DNAH6: variants seen among roughly 807,000 people sequenced by gnomAD.
The protein encoded by DNAH6 is axonemal beta dynein heavy chain 6.
Under a neutral mutation model 491.4 loss-of-function variants are expected in DNAH6, and 340 were observed. The ratio of observed to expected loss-of-function variants is 0.69; its 90% CI spans 0.63 to 0.76. The LOEUF (loss-of-function observed/expected upper bound fraction) is 0.76. Ranked by LOEUF, DNAH6 falls within the 30% of genes least tolerant of loss-of-function variation. The pLI is 0.00. For synonymous variants in DNAH6, 1,603 were observed against 1,686.1 expected (o/e 0.95, Z 1.21); for missense variants, 4,443 against 4,972.2 (o/e 0.89, Z 3.20).
chr2:84,742,841 T>C (rs970189237), intron 62 of DNAH6, among the ~76,000 whole-genome samples: 9 of 152,326 alleles, frequency 5.9e-5, no homozygotes, highest in African/African-American at 2.2e-4. Context: ...TTTATTTAAC[T>C]AAGTAAACCC....
chr2:84,628,226 G>A (rs1042577231), intron 29 of DNAH6, among the ~76,000 whole-genome samples: 4 of 152,164 alleles, frequency 2.6e-5, no homozygotes, highest in Admixed American at 1.3e-4. Flanking sequence ...AGAGAAAGAG[G>A]AATGGTATCC....
intron 2 of DNAH6, among the ~76,000 whole-genome samples, chr2:84,518,818 C>G (rs1675855916): frequency 6.6e-6 from 1 of 152,170 alleles, no homozygotes; most frequent in African/African-American, 2.4e-5. Flanking sequence ...ACAAAGCAGA[C>G]AAGATTCCTG....
At position 84,762,956 on chromosome 2, in the gene DNAH6, G is replaced by A. The variant is rs2105136691; in HGVS notation, c.10703+11G>A. 1 of 1,547,782 alleles carries A rather than the reference G, an allele frequency of 6.5e-7. No homozygotes were observed. Among genetic ancestry groups the A allele is most frequent in the Non-Finnish European group, 8.7e-7 (1 of 1,143,950 alleles). ...TGGATATTCAGAACGGTAAGTTCATGTTGTGCAGTTTTAATAATGCAAATG... is the reference window on the plus strand; with the variant it reads ...TGGATATTCAGAACGGTAAGTTCATATTGTGCAGTTTTAATAATGCAAATG... On this transcript the variant is annotated intron_variant, in intron 64 of 76. Transcript: ENST00000389394.
intron 42 of DNAH6, among the ~76,000 whole-genome samples, chr2:84,684,007 A>G (rs1278673298): frequency 6.6e-6 from 1 of 152,186 alleles, no homozygotes; most frequent in Non-Finnish European, 1.5e-5. Context: ...GTTCTCACAC[A>G]GGTTCCTGAT....
chr2:84,522,131 G>A (rs956671244), intron 2 of DNAH6, among the ~76,000 whole-genome samples: 2 of 152,004 alleles, frequency 1.3e-5, no homozygotes, highest in African/African-American at 4.8e-5. Flanking sequence ...TCATTTGTTT[G>A]TGTCATCTCT....
the DNAH6 span, among the ~76,000 whole-genome samples, chr2:84,496,131 C>T: frequency 6.6e-6 from 1 of 152,208 alleles, no homozygotes; most frequent in African/African-American, 2.4e-5. Flanking sequence ...TGCCACCTTT[C>T]TTCCATCTAC....
the DNAH6 span, among the ~76,000 whole-genome samples, chr2:84,499,145 T>C: frequency 6.6e-6 from 1 of 152,202 alleles, no homozygotes; most frequent in African/African-American, 2.4e-5. Context: ...ATTCATTCTT[T>C]CTATTTTTTG....
chr2:84,519,712 T>A (rs1675960590), intron 2 of DNAH6, among the ~76,000 whole-genome samples: 1 of 151,310 alleles, frequency 6.6e-6, no homozygotes, highest in Non-Finnish European at 1.5e-5. Context: ...CTTTCTTTTC[T>A]ACTCTTCTTC....
chr2:84,510,978 G>A, the DNAH6 span, among the ~76,000 whole-genome samples: 56 of 152,290 alleles, frequency 3.7e-4, no homozygotes, highest in Admixed American at 5.9e-4. Context: ...GTGTCAGTCC[G>A]CCCCTACTTG....
chr2:84,662,065 G>A (rs116792113), intron 37 of DNAH6, among the ~76,000 whole-genome samples: 1 of 152,008 alleles, frequency 6.6e-6, no homozygotes, highest in East Asian at 1.9e-4. Context: ...CTCTAAAATG[G>A]ACTCTTAAAA....
chr2:84,642,835 A>G (rs1689551298), intron 33 of DNAH6, among the ~76,000 whole-genome samples: 1 of 152,208 alleles, frequency 6.6e-6, no homozygotes, highest in South Asian at 2.1e-4. Flanking sequence ...GCACATATAT[A>G]ATATATACAC....
chr2:84,620,261 A>G (rs1687265056), intron 24 of DNAH6, among the ~76,000 whole-genome samples: 1 of 152,182 alleles, frequency 6.6e-6, no homozygotes, highest in Admixed American at 6.6e-5. Flanking sequence ...TCTCAGCCAA[A>G]AGATGGGGAT....
chr2:84,624,655 A>G lies in DNAH6; in HGVS notation c.4353+35A>G, dbSNP rs1323630339. The G allele has an allele frequency of 4.6e-6, 7 of 1,532,654 alleles. No individual in the cohort carries two copies. In the African/African-American group the frequency reaches 8.3e-5, roughly 18 times the overall value. 94.9% of individuals were successfully genotyped at this position (1,532,654 alleles called of 1,614,324 possible). Reference sequence around the variant, plus strand: ...TGATCACTTGGGTTAATATTGACACAAGAGTGCTTTTCAATCAAAAGTCTT... The same window carrying G: ...TGATCACTTGGGTTAATATTGACACGAGAGTGCTTTTCAATCAAAAGTCTT... On this transcript the variant is annotated intron_variant, in intron 28 of 76. Transcript: ENST00000389394.
At chr2:84,539,820 T>C (rs946276126) in intron 4 of DNAH6, among the ~76,000 whole-genome samples, 18 of 152,158 alleles carry the variant, frequency 1.2e-4, no homozygotes, top group African/African-American at 4.3e-4. Context: ...AAAAAAGAGT[T>C]CTTTACCAGA....
intron 29 of DNAH6, among the ~76,000 whole-genome samples, chr2:84,628,176 A>G (rs1253211232): frequency 6.6e-6 from 1 of 152,226 alleles, no homozygotes; most frequent in Non-Finnish European, 1.5e-5. Context: ...TCATACAGGC[A>G]TGGATGGCTG....
At chr2:84,532,899 C>T (rs1677312272) in intron 4 of DNAH6, among the ~76,000 whole-genome samples, 2 of 152,130 alleles carry the variant, frequency 1.3e-5, no homozygotes, top group Non-Finnish European at 2.9e-5. Context: ...TATTAACTAA[C>T]TCTATGCACA....
chr2:84,814,179 T>C (rs1680273012), intron 75 of DNAH6, 57 bp downstream of exon 75: 1 of 1,517,618 alleles, frequency 6.6e-7, no homozygotes, highest in African/African-American at 1.4e-5. Context: ...TCTTTGAAGA[T>C]TTCAGACAAC....
rs377609051 is a variant in DNAH6, at chr2:84,705,737, G to C, written c.8717G>C (p.Arg2906Pro). ...KVVEPKRQKL[R>P]AAQAELDITM... is the part of the protein sequence containing the mutation. ...GTCGAACCAAAAAGACAAAAGCTCCGCGCCGCACAGGTACATTTTCTGTAT... is the reference window on the plus strand; with the variant it reads ...GTCGAACCAAAAAGACAAAAGCTCCCCGCCGCACAGGTACATTTTCTGTAT... Residue 2906 changes from arginine to proline, a missense_variant, in exon 52 of 77, where the codon CGC becomes CCC. Transcript: ENST00000389394. 3 of 1,546,386 alleles carry C rather than the reference G, an allele frequency of 1.9e-6. No homozygotes were observed. In the Admixed American group the frequency reaches 6.1e-5, roughly 31 times the overall value.
intron 59 of DNAH6, among the ~76,000 whole-genome samples, chr2:84,720,032 G>A (rs954894315): frequency 2.0e-5 from 3 of 151,966 alleles, no homozygotes; most frequent in Non-Finnish European, 4.4e-5. Flanking sequence ...TGGGGTCTGA[G>A]AGGAGAAGGG....
Sources: gnomAD v4.1 joint callset for allele counts (sites outside exome capture counted in the v4.1 genomes callset) on GRCh38, gnomAD v4.1.1 for gene constraint, MANE v1.5 for transcripts, NCBI Gene and HGNC (gene_info 2026-07-23, HGNC 2026-07-21) for gene names.